The following SLC13A2 variants were observed in gnomAD, a reference collection of about 807,000 sequenced individuals.
SLC13A2 encodes Na(+)-coupled citrate transporter.
A neutral mutation model predicts 58.5 loss-of-function variants in SLC13A2; 40 were observed. That is an observed-to-expected ratio of 0.68 (90% confidence interval 0.53 to 0.89). The LOEUF (loss-of-function observed/expected upper bound fraction) is 0.89. Ranked by LOEUF, SLC13A2 falls within the 40% of genes least tolerant of loss-of-function variation. The probability of loss-of-function intolerance (pLI) is 0.00; values close to 1 mark genes in which losing one functional copy is unlikely to be tolerated. For missense variants in SLC13A2, 694 were observed against 772.6 expected, an observed-to-expected ratio of 0.90 and a Z score of 1.21; for synonymous variants, 341 against 331.6, an observed-to-expected ratio of 1.03 and a Z score of -0.31.
chr17:28,494,864 C>T lies in SLC13A2; in HGVS notation c.1308+352C>T, dbSNP rs1000381337. Among the ~76,000 whole-genome samples the T allele has an allele frequency of 3.3e-5, 5 of 152,132 alleles. No homozygotes were observed. The highest frequency in any genetic ancestry group is 9.7e-5 in the African/African-American group (4 of 41,428). On this transcript the variant is annotated intron_variant, in intron 9 of 11. Transcript: ENST00000314669. This position sits in a 1 kb window ranked among gnomAD's most constrained non-coding sequence, Gnocchi z 4.0. ...CCAAAGTAATTGGGGGTTGTGTTGACGCGGTCTGCCCTCCGCAGCCACCAG... is the reference window on the plus strand; with the variant it reads ...CCAAAGTAATTGGGGGTTGTGTTGATGCGGTCTGCCCTCCGCAGCCACCAG...
rs2069136129 is a variant in SLC13A2, at chr17:28,496,045, A to T, written c.1470+229A>T. ...ATGATGTCACCCCTGGAGTATCCTGATGGGGATCCTGGTGGCCTCACCCAC... is the reference window on the plus strand; with the variant it reads ...ATGATGTCACCCCTGGAGTATCCTGTTGGGGATCCTGGTGGCCTCACCCAC... On this transcript the variant is annotated intron_variant, in intron 10 of 11. Coordinates refer to ENST00000314669, the MANE Select transcript of SLC13A2 (RefSeq NM_003984.4). The surrounding 1 kb of genome is among the most constrained non-coding windows in gnomAD (Gnocchi z 4.2). Among the ~76,000 whole-genome samples, 1 of 151,758 alleles carries T rather than the reference A, an allele frequency of 6.6e-6. No homozygotes were observed.
chr17:28,484,260 G>A (rs1342084797), intron 1 of SLC13A2, among the ~76,000 whole-genome samples: 1 of 152,180 alleles, frequency 6.6e-6, no homozygotes, highest in Non-Finnish European at 1.5e-5. Context: ...GACTTAGAGT[G>A]TGAAAAATGG....
At chr17:28,478,015 G>A (rs2068722022) in intron 1 of SLC13A2, among the ~76,000 whole-genome samples, 1 of 151,942 alleles carries the variant, frequency 6.6e-6, no homozygotes, top group Non-Finnish European at 1.5e-5. Context: ...CTGAGATTGT[G>A]CCACTGCACT....
intron 1 of SLC13A2, among the ~76,000 whole-genome samples, chr17:28,480,579 G>A (rs551458170): frequency 2.0e-5 from 3 of 152,230 alleles, no homozygotes; most frequent in Admixed American, 1.3e-4. Flanking sequence ...GTGTACTGCC[G>A]TGTGACCTGA....
intron 1 of SLC13A2, among the ~76,000 whole-genome samples, chr17:28,488,831 GC>G (rs1555602501): frequency 1.3e-5 from 2 of 152,136 alleles, no homozygotes; most frequent in African/African-American, 4.8e-5. Context: ...GCCAGGGAAC[GC>G]CAGGGTGCCA....
At chr17:28,495,118 C>G (rs543056491) in intron 9 of SLC13A2, among the ~76,000 whole-genome samples, 1 of 152,264 alleles carries the variant, frequency 6.6e-6, no homozygotes, top group East Asian at 1.9e-4. Flanking sequence ...CCCCACTGAG[C>G]GAGATTAAGT....
chr17:28,476,525 C>T (rs143434481), intron 1 of SLC13A2, among the ~76,000 whole-genome samples: 3 of 152,112 alleles, frequency 2.0e-5, no homozygotes, highest in African/African-American at 7.2e-5. Context: ...GCTCCCTCCC[C>T]CTGTGACCCA....
Position 28,496,085 on chromosome 17 carries a change from C to T in SLC13A2, c.1470+269C>T, listed in dbSNP as rs1236465148. On this transcript the variant is annotated intron_variant, in intron 10 of 11. Transcript: ENST00000314669. This position sits in a 1 kb window ranked among gnomAD's most constrained non-coding sequence, Gnocchi z 4.2. ...GCCTCACCCACCTCCCCACCCCAGTCCCTGTTCTGGTCATTCCTGAGGTGA... is the reference window on the plus strand; with the variant it reads ...GCCTCACCCACCTCCCCACCCCAGTTCCTGTTCTGGTCATTCCTGAGGTGA... 6.6e-6 allele frequency among the ~76,000 whole-genome samples: 1 copy of T among 152,184 alleles called. No individual in the cohort carries two copies. Among genetic ancestry groups the T allele is most frequent in the Non-Finnish European group, 1.5e-5 (1 of 68,030 alleles).
chr17:28,493,734 C>A lies in SLC13A2; in HGVS notation c.1042C>A (p.Pro348Thr), dbSNP rs782168035. The A allele has an allele frequency of 8.7e-6, 14 of 1,614,090 alleles. No homozygotes were observed. The highest frequency in any genetic ancestry group is 1.2e-5 in the Non-Finnish European group (14 of 1,180,058). The change falls in exon 7 of 12, where the codon CCG becomes ACG. Residue 348 changes from proline (P) to threonine (T), a missense_variant. Transcript: ENST00000314669. ...GGTGCTGCTCTGGTTCACCCGGGAG[C>A]CGGGCTTTTTTCTTGGCTGGGGCAA... ...ILVLLWFTRE[P>T]GFFLGWGNLA...
Position 28,494,423 on chromosome 17 carries a change from C to A in SLC13A2, c.1219C>A (p.Leu407Ile), listed in dbSNP as rs781819472. The A allele has an allele frequency of 1.2e-6, 2 of 1,614,076 alleles. No individual in the cohort carries two copies. The highest frequency in any genetic ancestry group is 2.7e-5 in the African/African-American group (2 of 74,938). The change falls in exon 9 of 12, where the codon CTC (leucine) becomes ATC (isoleucine). Residue 407 changes from leucine to isoleucine, a missense_variant. Coordinates refer to ENST00000314669, the MANE Select transcript of SLC13A2 (RefSeq NM_003984.4). The surrounding 1 kb of genome is among the most constrained non-coding windows in gnomAD (Gnocchi z 4.0). ...AGGGAAGCTGAAGGCCCCTCTTGGC[C>A]TCCTCGACTGGAAGACGGTGAACCA... ...NPGKLKAPLG[L>I]LDWKTVNQKM... is the part of the protein sequence containing the mutation.
At chr17:28,482,987 C>T (rs1349285177) in intron 1 of SLC13A2, among the ~76,000 whole-genome samples, 1 of 152,230 alleles carries the variant, frequency 6.6e-6, no homozygotes, top group Non-Finnish European at 1.5e-5. Flanking sequence ...AGCATGTCCA[C>T]TTGCTAGGGG....
At chr17:28,492,082 G>C (rs1555603647) in intron 6 of SLC13A2, among the ~76,000 whole-genome samples, 1 of 152,166 alleles carries the variant, frequency 6.6e-6, no homozygotes, top group Non-Finnish European at 1.5e-5. Flanking sequence ...TTCGCAACTA[G>C]ATTTGTCAGT....
intron 2 of SLC13A2, chr17:28,490,217 T>G: frequency 2.0e-5 from 25 of 1,269,902 alleles, no homozygotes; most frequent in Non-Finnish European, 2.7e-5. Flanking sequence ...GAGGTTGCAG[T>G]GAGCTGTGAT....
At chr17:28,480,596 C>G (rs1252774373) in intron 1 of SLC13A2, among the ~76,000 whole-genome samples, 1 of 152,186 alleles carries the variant, frequency 6.6e-6, no homozygotes, top group Admixed American at 6.5e-5. Flanking sequence ...CTGACCGAGC[C>G]TCTTCAAACC....
intron 2 of SLC13A2, among the ~76,000 whole-genome samples, chr17:28,490,047 G>A (rs1167365524): frequency 2.6e-5 from 4 of 152,232 alleles, no homozygotes; most frequent in Non-Finnish European, 5.9e-5. Flanking sequence ...GCCAAGGCGG[G>A]TGGATCACTT....
At chr17:28,487,837 G>C (rs1401402780) in intron 1 of SLC13A2, among the ~76,000 whole-genome samples, 2 of 152,204 alleles carry the variant, frequency 1.3e-5, no homozygotes, top group African/African-American at 2.4e-5. Context: ...AAGAGAGCTT[G>C]GCTTCGGACA....
rs561439769 is a variant in SLC13A2 at position 28,483,638 on chromosome 17, TA to T, written c.103-5568del. Among the ~76,000 whole-genome samples, 320 of 152,134 alleles carry T rather than the reference TA, an allele frequency of 2.1e-3. 2 individuals carry two copies. The highest frequency in any genetic ancestry group is 7.3e-3 in the African/African-American group (301 of 41,490). On this transcript the variant is annotated intron_variant, in intron 1 of 11. Coordinates refer to ENST00000314669, the MANE Select transcript of SLC13A2 (RefSeq NM_003984.4). ...GGCAACAGAGTGAGACCCTGTCTCTTAAAAAAAATTTTTTTTAAAAAAACCT... is the reference window on the plus strand; with the variant it reads ...GGCAACAGAGTGAGACCCTGTCTCTTAAAAAAATTTTTTTTAAAAAAACCT...
At chr17:28,493,252 G>A (rs1555603865) in intron 6 of SLC13A2, among the ~76,000 whole-genome samples, 1 of 152,182 alleles carries the variant, frequency 6.6e-6, no homozygotes, top group African/African-American at 2.4e-5. Flanking sequence ...GAGAAGAGCT[G>A]TGAGCCAGGG....
At chr17:28,490,631 G>T (rs1555603117) in intron 3 of SLC13A2, 41 bp downstream of exon 3, 1 of 1,588,452 alleles carries the variant, frequency 6.3e-7, no homozygotes, top group Non-Finnish European at 8.6e-7. Context: ...AACCTGACGA[G>T]GAGATATTCT....
Sources: allele counts gnomAD v4.1 joint callset (sites outside exome capture counted in the v4.1 genomes callset), GRCh38; gene constraint gnomAD v4.1.1; non-coding constraint Gnocchi (gnomAD v3.1); transcripts MANE v1.5; gene names NCBI Gene and HGNC (gene_info 2026-07-23, HGNC 2026-07-21).